NAV2: variants seen among roughly 807,000 people sequenced by gnomAD.
NAV2 encodes helicase, APC down-regulated 1.
NAV2 carries 54 observed loss-of-function variants against 223.2 expected under a neutral mutation model. The ratio of observed to expected loss-of-function variants is 0.24; its 90% CI spans 0.19 to 0.30. NAV2 has a LOEUF of 0.30. Among genes scored for constraint, NAV2 ranks in the 10% least tolerant of loss-of-function variants. NAV2 has a pLI of 1.00. For synonymous variants in NAV2, 1,279 were observed against 1,239.3 expected (o/e 1.03, Z -0.67); for missense variants, 2,806 against 3,147.5 (o/e 0.89, Z 2.60).
At chr11:20,051,149 G>A in intron 16 of NAV2, 140 bp from the exon 17 acceptor site, 1 of 689,014 alleles carries the variant, frequency 1.5e-6, no homozygotes, top group Non-Finnish European at 2.6e-6. Context: ...GTGTTGCATT[G>A]CACGCCTAGC....
chr11:19,708,515 G>A (rs1175938093), upstream of NAV2, among the ~76,000 whole-genome samples: 3 of 152,042 alleles, frequency 2.0e-5, no homozygotes, highest in Admixed American at 6.6e-5. Flanking sequence ...GCTCTTCACC[G>A]GACTGTCTTC....
chr11:19,816,427 A>G (rs564392186), intron 1 of NAV2, among the ~76,000 whole-genome samples: 1 of 152,332 alleles, frequency 6.6e-6, no homozygotes, highest in African/African-American at 2.4e-5. Context: ...AGAATGTCAG[A>G]TCTTCTCTAG....
intron 5 of NAV2, among the ~76,000 whole-genome samples, chr11:19,881,245 ATAAT>A (rs1462875554): frequency 6.6e-6 from 1 of 152,180 alleles, no homozygotes; most frequent in Admixed American, 6.5e-5. Context: ...ATCAGGTCCC[ATAAT>A]TAATTATCTA....
intron 1 of NAV2, among the ~76,000 whole-genome samples, chr11:19,500,183 G>T (rs1371049867): frequency 6.6e-6 from 1 of 152,138 alleles, no homozygotes; most frequent in Non-Finnish European, 1.5e-5. Flanking sequence ...CATTTCCACT[G>T]TTGCTCCTAT....
chr11:19,544,052 T>G (rs1017765905), intron 1 of NAV2, among the ~76,000 whole-genome samples: 1 of 152,262 alleles, frequency 6.6e-6, no homozygotes, highest in Non-Finnish European at 1.5e-5. Flanking sequence ...CAAATAATAT[T>G]ATTGAGCATC....
intron 6 of NAV2, among the ~76,000 whole-genome samples, chr11:19,907,340 C>A (rs756322999): frequency 3.3e-5 from 5 of 152,134 alleles, no homozygotes; most frequent in Admixed American, 6.5e-5. Flanking sequence ...CTCTGATAAA[C>A]CGTGATGAAA....
intron 1 of NAV2, among the ~76,000 whole-genome samples, chr11:19,564,277 G>A (rs2045195895): frequency 6.6e-6 from 1 of 152,202 alleles, no homozygotes; most frequent in Non-Finnish European, 1.5e-5. Context: ...ATGGGCTGAG[G>A]CTGGGATCAG....
In NAV2 at chr11:20,101,115, A is replaced by C. The variant is rs142294382; in HGVS notation, c.6360A>C (p.Gly2120=). The part of the protein sequence containing the change: ...RLSEYIVLRE[G]RELTDGVIAT... ...CTGAGTATATAGTGCTTCGAGAGGG[A>C]CGGGAGTTGACAGACGGGGTTATCG... Residue 2120 remains glycine, a synonymous_variant, in exon 32 of 38, where the codon GGA becomes GGC. Coordinates refer to ENST00000349880, the MANE Select transcript of NAV2 (RefSeq NM_145117.5). 2.5e-6 allele frequency: 4 copies of C among 1,614,140 alleles called. No individual in the cohort carries two copies. In the Admixed American group the frequency reaches 6.7e-5, roughly 27 times the overall value.
chr11:19,757,300 G>A (rs1010273585), intron 1 of NAV2, among the ~76,000 whole-genome samples: 3 of 152,104 alleles, frequency 2.0e-5, no homozygotes, highest in Non-Finnish European at 2.9e-5. Flanking sequence ...TGGCCTCAAC[G>A]CGTGTGTGGA....
intron 1 of NAV2, among the ~76,000 whole-genome samples, chr11:19,766,590 G>A (rs1442101027): frequency 6.6e-6 from 1 of 152,196 alleles, no homozygotes; most frequent in Non-Finnish European, 1.5e-5. Context: ...CCAAGTTGGT[G>A]TGGATGGGGG....
intron 1 of NAV2, chr11:19,503,383 A>G (rs930926732): frequency 3.3e-5 from 5 of 152,214 alleles, no homozygotes; most frequent in African/African-American, 9.7e-5. Flanking sequence ...ATGTGTAATG[A>G]TAAGTATCCA....
intron 24 of NAV2, 150 bp downstream of exon 24, chr11:20,078,254 C>CT (rs923943026): frequency 1.5e-6 from 1 of 669,738 alleles, no homozygotes. Flanking sequence ...AGGCAAACAC[C>CT]TTTAATCAAG....
chr11:19,387,373 G>A (rs2133186121), intron 1 of NAV2, among the ~76,000 whole-genome samples: 1 of 152,152 alleles, frequency 6.6e-6, no homozygotes, highest in South Asian at 2.1e-4. Context: ...TCCGAGAAAG[G>A]GCTGCATAAA....
At chr11:19,428,905 A>C (rs892084811) in intron 1 of NAV2, among the ~76,000 whole-genome samples, 3 of 152,190 alleles carry the variant, frequency 2.0e-5, no homozygotes, top group African/African-American at 7.2e-5. Context: ...ACGTGTGTGC[A>C]TTATGATAAT....
chr11:19,934,161 T>C lies in NAV2; in HGVS notation c.1917T>C (p.Ser639=). The change falls in exon 7 of 38, where the codon AGT becomes AGC. Residue 639 remains serine (S), a synonymous_variant. Transcript: ENST00000349880. The stretch of plus-strand genomic sequence containing the variant: ...ACAGCATCAGCAGCCAGACTGTCAG[T>C]GGGTCTGTCGGGACCACCCAGACCA... ...LNHSISSQTV[S]GSVGTTQTTG... The C allele has an allele frequency of 6.2e-7, 1 of 1,613,144 alleles. No homozygotes were observed. The highest frequency in any genetic ancestry group is 1.6e-4 in the Middle Eastern group (1 of 6,062).
intron 20 of NAV2, 34 bp from the exon 21 acceptor site, chr11:20,068,152 A>G (rs895079511): frequency 6.2e-7 from 1 of 1,607,136 alleles, no homozygotes; most frequent in Non-Finnish European, 8.5e-7. Context: ...TTTGTTCCTT[A>G]ACTGGTCTAA....
In NAV2 at chr11:20,090,983, C is replaced by T; in HGVS notation, c.5617C>T (p.Leu1873=). 6.2e-7 allele frequency: 1 copy of T among 1,613,830 alleles called. No homozygotes were observed. The highest frequency in any genetic ancestry group is 8.5e-7 in the Non-Finnish European group (1 of 1,179,868). Residue 1873 remains leucine (L), a synonymous_variant, in exon 27 of 38, where the codon CTG becomes TTG. Transcript: ENST00000349880. The part of the protein sequence containing the change: ...RLEALSSAHQ[L]DQLREAMNRM... ...AGAAGCTCTCAGTTCTGCCCACCAGCTGGACCAGCTCCGGGAGGCCATGAA... is the reference window on the plus strand; with the variant it reads ...AGAAGCTCTCAGTTCTGCCCACCAGTTGGACCAGCTCCGGGAGGCCATGAA...
intron 12 of NAV2, among the ~76,000 whole-genome samples, chr11:20,040,794 C>G (rs1433957561): frequency 6.6e-6 from 1 of 152,158 alleles, no homozygotes; most frequent in Non-Finnish European, 1.5e-5. Context: ...TCGTACGTCC[C>G]CATGTGGATG....
At chr11:19,771,591 C>T (rs1010727538) in intron 1 of NAV2, among the ~76,000 whole-genome samples, 3 of 151,740 alleles carry the variant, frequency 2.0e-5, no homozygotes, top group East Asian at 3.9e-4. Context: ...CTCATCTGAC[C>T]CCCCCCATTA....
Sources: gnomAD v4.1 joint callset for allele counts (sites outside exome capture counted in the v4.1 genomes callset) on GRCh38, gnomAD v4.1.1 for gene constraint, MANE v1.5 for transcripts, NCBI Gene and HGNC (gene_info 2026-07-23, HGNC 2026-07-21) for gene names.